Variants in PRKD1 observed in about 807,000 individuals in gnomAD.
PRKD1 encodes protein kinase D1.
A neutral mutation model predicts 95.9 loss-of-function variants in PRKD1; 63 were observed. The ratio of observed to expected loss-of-function variants is 0.66; its 90% confidence interval spans 0.54 to 0.81. The LOEUF (loss-of-function observed/expected upper bound fraction) is 0.81. Among genes scored for constraint, PRKD1 ranks in the 30% least tolerant of loss-of-function variants. PRKD1 has a pLI of 0.00. For missense variants in PRKD1, 1,048 were observed against 1,165.3 expected, an observed-to-expected ratio of 0.90 and a Z score of 1.47; for synonymous variants, 425 against 423.1, an observed-to-expected ratio of 1.00 and a Z score of -0.05.
chr14:29,659,455 C>A (rs1291756168), intron 4 of PRKD1, among the ~76,000 whole-genome samples: 5 of 152,092 alleles, frequency 3.3e-5, no homozygotes, highest in Non-Finnish European at 1.5e-5. Context: ...CTGGGCATGA[C>A]TCTGTATATT....
intron 2 of PRKD1, among the ~76,000 whole-genome samples, chr14:29,692,619 C>G (rs1327495423): frequency 6.6e-6 from 1 of 151,912 alleles, no homozygotes; most frequent in African/African-American, 2.4e-5. Context: ...GTAATTAAAG[C>G]TCAGTTTGAA....
chr14:29,748,921 G>T (rs1887353887), intron 1 of PRKD1, among the ~76,000 whole-genome samples: 2 of 151,996 alleles, frequency 1.3e-5, no homozygotes, highest in South Asian at 4.1e-4. Context: ...TGAGATTCCA[G>T]TAAGCAAAAA....
chr14:29,811,781 C>T (rs1890494466), intron 1 of PRKD1: 1 of 152,160 alleles, frequency 6.6e-6, no homozygotes, highest in African/African-American at 2.4e-5. Flanking sequence ...TCCCACCAGA[C>T]TTCACTTATA....
At chr14:29,757,710 T>C (rs1294497806) in intron 1 of PRKD1, among the ~76,000 whole-genome samples, 2 of 151,428 alleles carry the variant, frequency 1.3e-5, no homozygotes, top group Middle Eastern at 3.2e-3. Flanking sequence ...TAAAAACCAA[T>C]TAAAAAAATA....
intron 4 of PRKD1, among the ~76,000 whole-genome samples, chr14:29,656,703 T>C (rs978121314): frequency 6.6e-6 from 1 of 152,216 alleles, no homozygotes; most frequent in Admixed American, 6.5e-5. Flanking sequence ...CTACATTTAA[T>C]ATTTAAATGG....
intron 1 of PRKD1, among the ~76,000 whole-genome samples, chr14:29,876,646 C>T (rs1454820029): frequency 2.7e-5 from 4 of 149,638 alleles, no homozygotes; most frequent in Non-Finnish European, 5.9e-5. Context: ...AAAAAAAAAG[C>T]CAATTTCATA....
At chr14:29,774,547 AGGT>A (rs1888650280) in intron 1 of PRKD1, among the ~76,000 whole-genome samples, 1 of 152,236 alleles carries the variant, frequency 6.6e-6, no homozygotes, top group Admixed American at 6.5e-5. Context: ...GTACCATTGC[AGGT>A]GGAAATACTA....
chr14:29,667,988 CCTTGA>C (rs1254028065), intron 2 of PRKD1, among the ~76,000 whole-genome samples: 2 of 151,414 alleles, frequency 1.3e-5, no homozygotes, highest in Non-Finnish European at 2.9e-5. Context: ...CAGTTAGCAC[CCTTGA>C]CTTATGTTTA....
At chr14:29,912,627 A>T (rs952875909) in intron 1 of PRKD1, among the ~76,000 whole-genome samples, 2 of 152,234 alleles carry the variant, frequency 1.3e-5, no homozygotes, top group Non-Finnish European at 2.9e-5. Context: ...GGGACAACCC[A>T]ACTTCCAAAA....
intron 1 of PRKD1, among the ~76,000 whole-genome samples, chr14:29,736,247 A>G (rs1366394378): frequency 6.6e-6 from 1 of 152,232 alleles, no homozygotes; most frequent in Non-Finnish European, 1.5e-5. Flanking sequence ...AAAAATATGC[A>G]TATTGGTCTT....
At chr14:29,841,733 T>C (rs1461607992) in intron 1 of PRKD1, among the ~76,000 whole-genome samples, 1 of 152,014 alleles carries the variant, frequency 6.6e-6, no homozygotes, top group Non-Finnish European at 1.5e-5. Flanking sequence ...CTATACTAAC[T>C]TTATTTTTAA....
intron 1 of PRKD1, among the ~76,000 whole-genome samples, chr14:29,897,911 G>A (rs762929751): frequency 3.9e-5 from 6 of 151,970 alleles, no homozygotes; most frequent in Non-Finnish European, 5.9e-5. Context: ...ACCTATTGTG[G>A]TGCTTTCTTG....
At position 29,626,513 on chromosome 14, in the gene PRKD1, C is replaced by A. The variant is rs964788233; in HGVS notation, c.1769G>T (p.Gly590Val). 1 of 1,612,380 alleles carries A rather than the reference C, an allele frequency of 6.2e-7. No homozygotes were observed. Among genetic ancestry groups the A allele is most frequent in the Non-Finnish European group, 8.5e-7 (1 of 1,179,324 alleles). Residue 590 changes from glycine (G) to valine (V), a missense_variant, in exon 12 of 18, where the codon GGT becomes GTT. Around this residue, in one of 3 missense-constraint regions of PRKD1, gnomAD observed 739 missense variants for 861.9 expected, o/e 0.86. Coordinates refer to ENST00000331968, the MANE Select transcript of PRKD1 (RefSeq NM_002742.3). Reference sequence around the variant, plus strand: ...ATAAACAATTCCAAACTGTCCAGAACCCAGTACTTCATCAGGAAAAATCTG... The same window carrying A: ...ATAAACAATTCCAAACTGTCCAGAAACCAGTACTTCATCAGGAAAAATCTG... ...VYQIFPDEVLGSGQFGIVYGG... is the reference protein window; with the variant it reads ...VYQIFPDEVLVSGQFGIVYGG...
intron 1 of PRKD1, among the ~76,000 whole-genome samples, chr14:29,775,985 T>C (rs1016355469): frequency 1.2e-4 from 18 of 152,120 alleles, no homozygotes; most frequent in African/African-American, 4.3e-4. Context: ...TTGGCTGTTC[T>C]GCAATACTCG....
chr14:29,746,804 T>C (rs1887244534), intron 1 of PRKD1, among the ~76,000 whole-genome samples: 1 of 152,200 alleles, frequency 6.6e-6, no homozygotes, highest in Non-Finnish European at 1.5e-5. Context: ...CATTAGAATA[T>C]AACTTCCTTT....
At chr14:29,917,982 C>A (rs769887715) in intron 1 of PRKD1, among the ~76,000 whole-genome samples, 23 of 151,910 alleles carry the variant, frequency 1.5e-4, no homozygotes, top group Admixed American at 5.9e-4. Context: ...GGTTTTGTTA[C>A]ATAGGTAAAC....
chr14:29,771,988 G>T (rs1057446148), intron 1 of PRKD1, among the ~76,000 whole-genome samples: 3 of 152,138 alleles, frequency 2.0e-5, no homozygotes, highest in African/African-American at 7.2e-5. Context: ...TGCATAATTT[G>T]TTTGATTTCA....
intron 4 of PRKD1, among the ~76,000 whole-genome samples, chr14:29,661,065 T>C (rs73255576): frequency 0.022 from 3,340 of 152,300 alleles, 110 homozygotes; most frequent in African/African-American, 0.071. Flanking sequence ...ATCTATGCTA[T>C]TATAATATTT....
chr14:29,906,711 G>T (rs186264079), intron 1 of PRKD1, among the ~76,000 whole-genome samples: 105 of 152,356 alleles, frequency 6.9e-4, no homozygotes, highest in African/African-American at 2.5e-3. Flanking sequence ...AAAAGTTCTT[G>T]GCTGGAGGCC....
Sources: allele counts gnomAD v4.1 joint callset (sites outside exome capture counted in the v4.1 genomes callset), GRCh38; gene constraint gnomAD v4.1.1; regional missense constraint gnomAD v4.1.1; transcripts MANE v1.5; gene names NCBI Gene and HGNC (gene_info 2026-07-23, HGNC 2026-07-21).